ICAM5: variants seen among roughly 807,000 people sequenced by gnomAD.
The protein encoded by ICAM5 is intercellular adhesion molecule 5.
In ICAM5, 38 loss-of-function variants were observed where a neutral mutation model predicts 78.8. The ratio of observed to expected loss-of-function variants is 0.48; its 90% CI spans 0.37 to 0.63. The LOEUF is 0.63. ICAM5 is among the 30% of genes least tolerant of loss of function. The probability of loss-of-function intolerance (pLI) is 0.00; values close to 1 mark genes in which losing one functional copy is unlikely to be tolerated. For missense variants in ICAM5, 1,059 were observed against 1,303.0 expected (o/e 0.81, Z 2.88); for synonymous variants, 544 against 590.9 (o/e 0.92, Z 1.15).
chr19:10,295,522 G>A lies in ICAM5; in HGVS notation c.2407G>A (p.Gly803Ser). 5.8e-6 allele frequency: 9 copies of A among 1,554,816 alleles called. No individual in the cohort carries two copies. The highest frequency in any genetic ancestry group is 4.7e-5 in the South Asian group (4 of 84,936). The part of the protein sequence containing the change: ...SSNNSTLSVA[G>S]AMGSHGGEYE... ...CAACAACAGCACACTGAGCGTGGCA[G>A]GCGCCATGGGAAGCCACGGCGGCGA... is the stretch of plus-strand genomic sequence containing the variant. Residue 803 changes from glycine to serine, a missense_variant, in exon 10 of 11, where the codon GGC (glycine) becomes AGC (serine). Gly to Ser is a moderately conservative substitution (Grantham distance 56, BLOSUM62 0). Coordinates refer to ENST00000221980, the MANE Select transcript of ICAM5 (RefSeq NM_003259.4).
At position 10,290,946 on chromosome 19, in the gene ICAM5, G is replaced by A. The variant is rs1462933037; in HGVS notation, c.83-126G>A. On this transcript the variant is annotated intron_variant, in intron 1 of 10. Transcript: ENST00000221980. This position sits in a 1 kb window ranked among gnomAD's most constrained non-coding sequence, Gnocchi z 5.7. ...GGCCTGGGCAGGACGCGGGACGCCT[G>A]GGTTCTTTCCCTGGCTGCAGCCTCT... 2.3e-6 allele frequency: 3 copies of A among 1,283,728 alleles called. No homozygotes were observed. The highest frequency in any genetic ancestry group is 3.2e-6 in the Non-Finnish European group (3 of 948,016). 79.5% of individuals were successfully genotyped at this position (1,283,728 alleles called of 1,614,324 possible). A position where few individuals can be genotyped will look rare whatever the true frequency, so the allele number is the denominator to read the frequency against.
intron 3 of ICAM5, 83 bp from the exon 4 acceptor site, chr19:10,291,952 A>G: frequency 6.6e-7 from 1 of 1,511,584 alleles, no homozygotes; most frequent in Non-Finnish European, 9.1e-7. Flanking sequence ...TGAGGATGAT[A>G]ATACGATAAG....
chr19:10,292,501 C>A, intron 4 of ICAM5, 111 bp from the exon 5 acceptor site: 1 of 1,440,684 alleles, frequency 6.9e-7, no homozygotes, highest in Non-Finnish European at 9.4e-7. Flanking sequence ...AGGCGGGGCG[C>A]CGTACCCTAG....
At position 10,290,906 on chromosome 19, in the gene ICAM5, C is replaced by A. The variant is rs1001971499; in HGVS notation, c.83-166C>A. 4.9e-6 allele frequency: 4 copies of A among 815,498 alleles called. No homozygotes were observed. The Admixed American group carries it at 8.7e-5, about 18-fold the overall frequency. The allele number at this position is 815,498 out of a possible 1,614,324, so 50.5% of individuals were successfully genotyped here. On this transcript the variant is annotated intron_variant, in intron 1 of 10. Transcript: ENST00000221980. This position sits in a 1 kb window ranked among gnomAD's most constrained non-coding sequence, Gnocchi z 5.7. ...CCTCGAGGTTTAGACTCTGGGAGTG[C>A]GCCTTTAAACCGGAGGCCTGGGCAG... is the stretch of plus-strand genomic sequence containing the variant.
Position 10,293,789 on chromosome 19 carries a change from AC to A in ICAM5, c.1559del (p.Pro520ArgfsTer5). The A allele has an allele frequency of 6.2e-7, 1 of 1,613,820 alleles. No homozygotes were observed. ...CGCTGAGCTGTGTGGCGCACGGGGT[AC>A]CGCCGCCTGATGTGATCTGCGTGCG... Reference protein sequence around the residue: ...ASLSCVAHGVPPPDVICVRSG... With the variant: ...ASLSCVAHGVXPPDVICVRSG... On this transcript the variant is annotated frameshift_variant, in exon 7 of 11. Transcript: ENST00000221980. LOFTEE classifies it high-confidence loss of function. The surrounding 1 kb of genome is among the most constrained non-coding windows in gnomAD (Gnocchi z 5.0).
Position 10,290,926 on chromosome 19 carries a change from G to C in ICAM5, c.83-146G>C. ...GAGTGCGCCTTTAAACCGGAGGCCTGGGCAGGACGCGGGACGCCTGGGTTC... is the reference window on the plus strand; with the variant it reads ...GAGTGCGCCTTTAAACCGGAGGCCTCGGCAGGACGCGGGACGCCTGGGTTC... On this transcript the variant is annotated intron_variant, in intron 1 of 10. Coordinates refer to ENST00000221980, the MANE Select transcript of ICAM5 (RefSeq NM_003259.4). The surrounding 1 kb of genome is among the most constrained non-coding windows in gnomAD (Gnocchi z 5.7). 9.4e-7 allele frequency: 1 copy of C among 1,065,404 alleles called. No individual in the cohort carries two copies. Among genetic ancestry groups the C allele is most frequent in the Non-Finnish European group, 1.3e-6 (1 of 754,938 alleles). The allele number at this position is 1,065,404 out of a possible 1,614,324, so 66.0% of individuals were successfully genotyped here. A position where few individuals can be genotyped will look rare whatever the true frequency, so the allele number is the denominator to read the frequency against.
Position 10,292,920 on chromosome 19 carries a change from G to T in ICAM5, c.1216+54G>T, listed in dbSNP as rs567556774. ...ACCTTCTGGTGACTTCCAAGGACCC[G>T]CCTGCTCCCTCACCGTGTCGTGGAG... On this transcript the variant is annotated intron_variant, in intron 5 of 10. Coordinates refer to ENST00000221980, the MANE Select transcript of ICAM5 (RefSeq NM_003259.4). The T allele has an allele frequency of 6.6e-5, 106 of 1,606,572 alleles. 1 individual carries two copies. In the South Asian group the frequency reaches 9.0e-4, roughly 14 times the overall value.
At position 10,293,854 on chromosome 19, in the gene ICAM5, G is replaced by C. The variant is rs147074144; in HGVS notation, c.1622G>C (p.Arg541Pro). ...GGGGCCGTCATCGAGGGGCTGTTGC[G>C]TGTGGCCCGGGAGCATGCGGGCACT... ...ELGAVIEGLLRVAREHAGTYR... is the reference protein window; with the variant it reads ...ELGAVIEGLLPVAREHAGTYR... Residue 541 changes from arginine to proline, a missense_variant, in exon 7 of 11, where the codon CGT becomes CCT. This residue lies in a region of ICAM5 where 815 missense variants were observed against 952.8 expected (regional missense o/e 0.86). Coordinates refer to ENST00000221980, the MANE Select transcript of ICAM5 (RefSeq NM_003259.4). This position sits in a 1 kb window ranked among gnomAD's most constrained non-coding sequence, Gnocchi z 5.0. 136 of 1,612,068 alleles carry C rather than the reference G, an allele frequency of 8.4e-5. No individual in the cohort carries two copies. Among genetic ancestry groups the C allele is most frequent in the Non-Finnish European group, 1.1e-4 (128 of 1,180,002 alleles).
chr19:10,289,958 C>G lies in ICAM5; in HGVS notation c.-86C>G. The stretch of plus-strand genomic sequence containing the variant: ...GCGCAACTCTGCCTCCCCCACACCC[C>G]ACCCGCCGCGCCGCGCGGAGCCGTC... On this transcript the variant is annotated 5_prime_UTR_variant, in exon 1 of 11. Coordinates refer to ENST00000221980, the MANE Select transcript of ICAM5 (RefSeq NM_003259.4). 1 of 1,121,680 alleles carries G rather than the reference C, an allele frequency of 8.9e-7. No homozygotes were observed. 69.5% of individuals were successfully genotyped at this position (1,121,680 alleles called of 1,614,324 possible). A position where few individuals can be genotyped will look rare whatever the true frequency, so the allele number is the denominator to read the frequency against.
Position 10,292,639 on chromosome 19 carries a change from G to T in ICAM5, c.989G>T (p.Ser330Ile). Residue 330 changes from serine to isoleucine, a missense_variant, in exon 5 of 11, where the codon AGC becomes ATC. Physicochemically the swap from Ser to Ile is moderately radical, Grantham distance 142 (BLOSUM62 -2). Around this residue, in one of 3 missense-constraint regions of ICAM5, gnomAD observed 815 missense variants for 952.8 expected, o/e 0.86. Coordinates refer to ENST00000221980, the MANE Select transcript of ICAM5 (RefSeq NM_003259.4). ...TTCCCGGCACCACTCCTGACCCTGA[G>T]CGAACCCAGCGTCTCCGAGGGGCAG... is the stretch of plus-strand genomic sequence containing the variant. Reference protein sequence around the residue: ...YSFPAPLLTLSEPSVSEGQMV... With the variant: ...YSFPAPLLTLIEPSVSEGQMV... 1 of 1,592,728 alleles carries T rather than the reference G, an allele frequency of 6.3e-7. No homozygotes were observed. Among genetic ancestry groups the T allele is most frequent in the Non-Finnish European group, 8.6e-7 (1 of 1,169,308 alleles).
chr19:10,292,396 C>CG (rs1237646041), intron 4 of ICAM5, 74 bp downstream of exon 4: 1 of 1,479,038 alleles, frequency 6.8e-7, no homozygotes, highest in Non-Finnish European at 9.1e-7. Context: ...GAAGAGTGGG[C>CG]GGGACCTCAG....
chr19:10,290,220 C>G lies in ICAM5; in HGVS notation c.82+95C>G. ...CTGTCCCTCCCAGCTCTGCCCTCGC[C>G]TCGCTCCCACGCCTCTGCCCCCACC... On this transcript the variant is annotated intron_variant, in intron 1 of 10. Transcript: ENST00000221980. This position sits in a 1 kb window ranked among gnomAD's most constrained non-coding sequence, Gnocchi z 5.7. 1 of 904,440 alleles carries G rather than the reference C, an allele frequency of 1.1e-6. No homozygotes were observed. The allele number at this position is 904,440 out of a possible 1,614,324, so 56.0% of individuals were successfully genotyped here. A position where few individuals can be genotyped will look rare whatever the true frequency, so the allele number is the denominator to read the frequency against.
Position 10,295,506 on chromosome 19 carries a change from C to A in ICAM5, c.2391C>A (p.Ser797Arg). 6.4e-7 allele frequency: 1 copy of A among 1,565,088 alleles called. No homozygotes were observed. The highest frequency in any genetic ancestry group is 8.6e-7 in the Non-Finnish European group (1 of 1,156,694). ...ACATCGGCCTGTCGAGCAACAACAGCACACTGAGCGTGGCAGGCGCCATGG... is the reference window on the plus strand; with the variant it reads ...ACATCGGCCTGTCGAGCAACAACAGAACACTGAGCGTGGCAGGCGCCATGG... ...ALNIGLSSNN[S>R]TLSVAGAMGS... is the part of the protein sequence containing the mutation. Residue 797 changes from serine (S) to arginine (R), a missense_variant, in exon 10 of 11, where the codon AGC becomes AGA. Transcript: ENST00000221980.
Position 10,290,146 on chromosome 19 carries a change from C to A in ICAM5, c.82+21C>A, listed in dbSNP as rs1193300341. On this transcript the variant is annotated intron_variant, in intron 1 of 10. Transcript: ENST00000221980. This position sits in a 1 kb window ranked among gnomAD's most constrained non-coding sequence, Gnocchi z 5.7. ...CTCAGGTAAGAGCCCCGCTCTGGTTCGGGGTGGACAGGGCGGGGGCGGAGT... is the reference window on the plus strand; with the variant it reads ...CTCAGGTAAGAGCCCCGCTCTGGTTAGGGGTGGACAGGGCGGGGGCGGAGT... The A allele has an allele frequency of 6.0e-6, 9 of 1,489,170 alleles. No homozygotes were observed. The South Asian group carries it at 1.1e-4, about 19-fold the overall frequency. 92.2% of individuals were successfully genotyped at this position (1,489,170 alleles called of 1,614,324 possible).
At chr19:10,292,441 G>T in intron 4 of ICAM5, 119 bp downstream of exon 4, 4 of 1,372,756 alleles carry the variant, frequency 2.9e-6, no homozygotes, top group Non-Finnish European at 3.9e-6. Flanking sequence ...GGCGGGGCAG[G>T]TGGGGGCGGA....
rs1295168302 is a variant in ICAM5, at chr19:10,293,639, T to A, written c.1466-59T>A. Reference sequence around the variant, plus strand: ...GGAAGCCTTGCCGCGCCAAGGAGGGTCTAGGGACGTCAGATTTGCCCCCAA... The same window carrying A: ...GGAAGCCTTGCCGCGCCAAGGAGGGACTAGGGACGTCAGATTTGCCCCCAA... On this transcript the variant is annotated intron_variant, in intron 6 of 10. Coordinates refer to ENST00000221980, the MANE Select transcript of ICAM5 (RefSeq NM_003259.4). The surrounding 1 kb of genome is among the most constrained non-coding windows in gnomAD (Gnocchi z 5.0). The A allele has an allele frequency of 1.9e-6, 3 of 1,585,986 alleles. No homozygotes were observed. The highest frequency in any genetic ancestry group is 1.7e-6 in the Non-Finnish European group (2 of 1,164,220).
chr19:10,292,506 C>T (rs2040182606), intron 4 of ICAM5, 106 bp from the exon 5 acceptor site: 5 of 1,446,316 alleles, frequency 3.5e-6, no homozygotes, highest in Non-Finnish European at 4.7e-6. Context: ...GGGCGCCGTA[C>T]CCTAGTTCGT....
At chr19:10,292,582 G>A in intron 4 of ICAM5, 30 bp from the exon 5 acceptor site, 1 of 1,539,578 alleles carries the variant, frequency 6.5e-7, no homozygotes, top group South Asian at 1.3e-5. Flanking sequence ...GGTATGGTCA[G>A]TATACTACGA....
In ICAM5 at chr19:10,293,212, C is replaced by A. The variant is rs1327194153; in HGVS notation, c.1431C>A (p.Gly477=). 2.5e-6 allele frequency: 4 copies of A among 1,601,324 alleles called. No individual in the cohort carries two copies. The highest frequency in any genetic ancestry group is 3.4e-6 in the Non-Finnish European group (4 of 1,174,270). ...TYRCKAANDQ[G]EAVKDVTLTV... ...GCTGCAAGGCGGCCAATGATCAAGG[C>A]GAGGCGGTCAAGGACGTAACGCTAA... The change falls in exon 6 of 11, where the codon GGC becomes GGA. Residue 477 remains glycine (G), a synonymous_variant. Coordinates refer to ENST00000221980, the MANE Select transcript of ICAM5 (RefSeq NM_003259.4). This position sits in a 1 kb window ranked among gnomAD's most constrained non-coding sequence, Gnocchi z 5.0.
Sources: gnomAD v4.1 joint callset for allele counts on GRCh38, gnomAD v4.1.1 for gene constraint, gnomAD v4.1.1 regional missense constraint, Gnocchi (gnomAD v3.1) non-coding constraint, MANE v1.5 for transcripts, NCBI Gene and HGNC (gene_info 2026-07-23, HGNC 2026-07-21) for gene names.